SOX5: variants seen among roughly 807,000 people sequenced by gnomAD.
SOX5 encodes SRY-box transcription factor 5.
A neutral mutation model predicts 92.0 loss-of-function variants in SOX5; 9 were observed. The observed-to-expected ratio is 0.10, with a 90% CI of 0.06 to 0.17. SOX5 has a LOEUF of 0.17. Ranked by LOEUF, SOX5 falls within the 10% of genes least tolerant of loss-of-function variation. The pLI is 1.00. For synonymous variants in SOX5, 344 were observed against 336.3 expected (o/e 1.02, Z -0.25); for missense variants, 642 against 944.5 (o/e 0.68, Z 4.20).
At chr12:23,777,575 C>CTTTGTG (rs1567678573) in intron 3 of SOX5, among the ~76,000 whole-genome samples, 6 of 152,214 alleles carry the variant, frequency 3.9e-5, no homozygotes, top group African/African-American at 1.2e-4. Flanking sequence ...CATACACACA[C>CTTTGTG]AATACATACC....
At chr12:23,995,457 G>A (rs1950943587) in intron 4 of SOX5, among the ~76,000 whole-genome samples, 1 of 152,170 alleles carries the variant, frequency 6.6e-6, no homozygotes, top group Non-Finnish European at 1.5e-5. Flanking sequence ...CACTCTGGGA[G>A]GCCAAGGCAG....
chr12:24,025,609 T>C (rs1020124983), intron 4 of SOX5, among the ~76,000 whole-genome samples: 2 of 152,072 alleles, frequency 1.3e-5, no homozygotes, highest in Admixed American at 1.3e-4. Flanking sequence ...CCCTATCTAG[T>C]GGTACCTAAT....
chr12:23,881,697 G>A (rs1231575760), intron 2 of SOX5, among the ~76,000 whole-genome samples: 11 of 152,170 alleles, frequency 7.2e-5, no homozygotes, highest in Non-Finnish European at 4.4e-5. Flanking sequence ...AAGAAAGCTG[G>A]TGTATTCCTA....
chr12:24,474,513 T>C, intron 1 of SOX5, among the ~76,000 whole-genome samples: 1 of 152,144 alleles, frequency 6.6e-6, no homozygotes, highest in Non-Finnish European at 1.5e-5. Flanking sequence ...TGTAAATGAT[T>C]TTCCGTAATT....
intron 4 of SOX5, among the ~76,000 whole-genome samples, chr12:24,037,155 C>T (rs187844781): frequency 6.6e-6 from 1 of 152,200 alleles, no homozygotes; most frequent in Admixed American, 6.5e-5. Flanking sequence ...AGAAAATAAA[C>T]CATTTTTCCA....
intron 2 of SOX5, among the ~76,000 whole-genome samples, chr12:24,319,614 C>G (rs1387941574): frequency 6.6e-6 from 1 of 152,168 alleles, no homozygotes; most frequent in Non-Finnish European, 1.5e-5. Flanking sequence ...GAGTGGTTTT[C>G]CAGTCTTTTT....
chr12:23,950,801 G>A (rs1484030222), upstream of SOX5: 45 of 1,414,166 alleles, frequency 3.2e-5, no homozygotes, highest in Non-Finnish European at 4.2e-5. Flanking sequence ...GCCGAGAAAG[G>A]TAATCAGGTA....
chr12:24,041,311 C>A (rs1049103823), intron 4 of SOX5, among the ~76,000 whole-genome samples: 1 of 152,052 alleles, frequency 6.6e-6, no homozygotes, highest in Non-Finnish European at 1.5e-5. Flanking sequence ...GTGTCTCTAT[C>A]CCTTAAAAAA....
chr12:23,629,652 C>T (rs1237630900), intron 8 of SOX5, among the ~76,000 whole-genome samples: 2 of 152,130 alleles, frequency 1.3e-5, no homozygotes, highest in African/African-American at 2.4e-5. Flanking sequence ...TTTGAAACAA[C>T]GTTTTCAACC....
chr12:23,722,680 C>T (rs964204220), intron 6 of SOX5, among the ~76,000 whole-genome samples: 2 of 152,102 alleles, frequency 1.3e-5, no homozygotes, highest in African/African-American at 2.4e-5. Context: ...ATTCTATATA[C>T]ATCACTTCAT....
intron 4 of SOX5, among the ~76,000 whole-genome samples, chr12:24,018,621 C>G (rs922616097): frequency 6.6e-6 from 1 of 152,028 alleles, no homozygotes; most frequent in South Asian, 2.1e-4. Context: ...CATGGCAAAA[C>G]CCTACCAAAA....
intron 4 of SOX5, among the ~76,000 whole-genome samples, chr12:24,187,057 T>C (rs1956084730): frequency 6.6e-6 from 1 of 152,170 alleles, no homozygotes; most frequent in Non-Finnish European, 1.5e-5. Flanking sequence ...TCCAAACTGA[T>C]TTCACAGGGC....
chr12:24,557,400 CA>C (rs36026440), intron 1 of SOX5, among the ~76,000 whole-genome samples: 80 of 105,438 alleles, frequency 7.6e-4, no homozygotes, highest in East Asian at 2.1e-3. Flanking sequence ...GACTTCATTT[CA>C]AAAAAAAAAA....
At chr12:24,020,882 A>G (rs1264038807) in intron 4 of SOX5, among the ~76,000 whole-genome samples, 2 of 152,148 alleles carry the variant, frequency 1.3e-5, no homozygotes, top group Admixed American at 6.6e-5. Context: ...CCCCTTTAAT[A>G]TGACAAAAAC....
chr12:24,300,555 A>T (rs758331430), intron 2 of SOX5, among the ~76,000 whole-genome samples: 1 of 152,234 alleles, frequency 6.6e-6, no homozygotes, highest in Non-Finnish European at 1.5e-5. Flanking sequence ...TAAAGATCCT[A>T]TAGCATTATG....
At chr12:23,884,463 A>G (rs2097038438) in intron 2 of SOX5, among the ~76,000 whole-genome samples, 1 of 152,204 alleles carries the variant, frequency 6.6e-6, no homozygotes. Context: ...TTCTAAAAAC[A>G]GTAAAATTCC....
chr12:24,464,061 T>C (rs1025986231), intron 1 of SOX5, among the ~76,000 whole-genome samples: 2 of 152,188 alleles, frequency 1.3e-5, no homozygotes, highest in Admixed American at 1.3e-4. Flanking sequence ...GTCTATTAAT[T>C]AGGGACTACT....
chr12:24,023,531 T>C (rs1456548295), intron 4 of SOX5, among the ~76,000 whole-genome samples: 3 of 152,130 alleles, frequency 2.0e-5, no homozygotes, highest in Non-Finnish European at 4.4e-5. Context: ...AGATAGTTTG[T>C]AAACATTACT....
At chr12:23,577,235 C>T (rs1188029382) in intron 9 of SOX5, among the ~76,000 whole-genome samples, 1 of 125,678 alleles carries the variant, frequency 8.0e-6, no homozygotes, top group Non-Finnish European at 1.6e-5. Context: ...TGCTCTGTTG[C>T]CCAGGCTGGA....
Sources: gnomAD v4.1 joint callset for allele counts (sites outside exome capture counted in the v4.1 genomes callset) on GRCh38, gnomAD v4.1.1 for gene constraint, MANE v1.5 for transcripts, NCBI Gene and HGNC (gene_info 2026-07-23, HGNC 2026-07-21) for gene names.